The following OBP2B variants were observed in gnomAD, a reference collection of about 807,000 sequenced individuals.
OBP2B encodes odorant binding protein 2B, also known as odorant-binding protein 2b.
Under a neutral mutation model 21.7 loss-of-function variants are expected in OBP2B, and 10 were observed. The observed-to-expected ratio is 0.46, with a 90% CI of 0.28 to 0.78. The LOEUF is 0.78. Ranked by LOEUF, OBP2B falls within the 30% of genes least tolerant of loss-of-function variation. The probability of loss-of-function intolerance (pLI) is 0.11; values close to 1 mark genes in which losing one functional copy is unlikely to be tolerated. For missense variants in OBP2B, 153 were observed against 217.7 expected, an observed-to-expected ratio of 0.70 and a Z score of 1.87; for synonymous variants, 73 against 91.5, an observed-to-expected ratio of 0.80 and a Z score of 1.16.
rs561413512 is a variant in OBP2B, at chr9:133,207,451, C to A, written c.278-115G>T. ...GGTGCCCTGGACAGCCTGAGCCAGGCCTGGCTGCTCCGCACAGTGTGGACC... is the reference window on the plus strand; with the variant it reads ...GGTGCCCTGGACAGCCTGAGCCAGGACTGGCTGCTCCGCACAGTGTGGACC... On this transcript the variant is annotated intron_variant, in intron 3 of 6. Coordinates refer to ENST00000372034, the MANE Select transcript of OBP2B (RefSeq NM_014581.4). 62 of 698,114 alleles carry A rather than the reference C, an allele frequency of 8.9e-5. No individual in the cohort carries two copies. In the South Asian group the frequency reaches 1.0e-3, roughly 12 times the overall value. The allele number at this position is 698,114 out of a possible 1,614,324, so 43.2% of individuals were successfully genotyped here.
chr9:133,216,368 A>G, the OBP2B span, among the ~76,000 whole-genome samples: 25 of 151,734 alleles, frequency 1.6e-4, no homozygotes, highest in Non-Finnish European at 2.5e-4. Context: ...AATAAAAGCC[A>G]TGATATATCA....
rs782113475 is a variant in OBP2B, at chr9:133,206,311, T to G, written c.490+4A>C. On this transcript the variant is annotated splice_donor_region_variant and intron_variant, in intron 5 of 6. Transcript: ENST00000372034. ...CACAGGGGACTGGGCACAGCCATCC[T>G]CACCCGTCTGCAGGGGCGTGAAAAT... The G allele has an allele frequency of 6.2e-7, 1 of 1,613,432 alleles. No individual in the cohort carries two copies. Among genetic ancestry groups the G allele is most frequent in the Non-Finnish European group, 8.5e-7 (1 of 1,179,436 alleles).
chr9:133,221,521 C>T, the OBP2B span, among the ~76,000 whole-genome samples: 2 of 152,186 alleles, frequency 1.3e-5, no homozygotes, highest in African/African-American at 2.4e-5. Flanking sequence ...GGAACCAAGA[C>T]TTTGGGAAGC....
At position 133,208,675 on chromosome 9, in the gene OBP2B, C is replaced by T. The variant is rs531044843; in HGVS notation, c.73-73G>A. 1.8e-4 allele frequency: 282 copies of T among 1,529,008 alleles called. No homozygotes were observed. The Middle Eastern group carries it at 2.0e-3, about 11-fold the overall frequency. The allele number at this position is 1,529,008 out of a possible 1,614,324, so 94.7% of individuals were successfully genotyped here. The stretch of plus-strand genomic sequence containing the variant: ...ACTCTGACCCTGGCACTCAGGCCTG[C>T]AGCTATAACCAGACACCCATGGTGC... On this transcript the variant is annotated intron_variant, in intron 1 of 6. Transcript: ENST00000372034.
chr9:133,218,674 A>T, the OBP2B span, among the ~76,000 whole-genome samples: 1 of 152,194 alleles, frequency 6.6e-6, no homozygotes, highest in African/African-American at 2.4e-5. Flanking sequence ...GGAGCTAACG[A>T]GCTCAGCTGG....
At chr9:133,211,428 G>A (rs1833915438), upstream of OBP2B, among the ~76,000 whole-genome samples, 1 of 152,138 alleles carries the variant, frequency 6.6e-6, no homozygotes, top group Non-Finnish European at 1.5e-5. Flanking sequence ...CCACGCTCTC[G>A]GCCCACCTGC....
At chr9:133,206,604 G>A in intron 4 of OBP2B, 188 bp from the exon 5 acceptor site, 3 of 689,564 alleles carry the variant, frequency 4.4e-6, no homozygotes, top group Admixed American at 2.8e-5. Flanking sequence ...GACAAGGGGA[G>A]AGACCCAAGA....
At chr9:133,214,599 C>A in the OBP2B span, among the ~76,000 whole-genome samples, 1 of 152,140 alleles carries the variant, frequency 6.6e-6, no homozygotes, top group Non-Finnish European at 1.5e-5. Context: ...CTGTAACTCC[C>A]CCTAAGAGGG....
rs1833706878 is a variant in OBP2B, at chr9:133,206,299, G to C, written c.490+16C>G. 2 of 1,609,836 alleles carry C rather than the reference G, an allele frequency of 1.2e-6. No individual in the cohort carries two copies. Among genetic ancestry groups the C allele is most frequent in the African/African-American group, 2.7e-5 (2 of 74,834 alleles). On this transcript the variant is annotated intron_variant, in intron 5 of 6. Coordinates refer to ENST00000372034, the MANE Select transcript of OBP2B (RefSeq NM_014581.4). Reference sequence around the variant, plus strand: ...ACAGCAGAGGGACACAGGGGACTGGGCACAGCCATCCTCACCCGTCTGCAG... The same window carrying C: ...ACAGCAGAGGGACACAGGGGACTGGCCACAGCCATCCTCACCCGTCTGCAG...
chr9:133,222,267 C>T, the OBP2B span, among the ~76,000 whole-genome samples: 1 of 152,214 alleles, frequency 6.6e-6, no homozygotes, highest in Non-Finnish European at 1.5e-5. Context: ...GGGGTGGCCC[C>T]AGCGCCCTAA....
chr9:133,206,177 G>A, intron 5 of OBP2B, 138 bp downstream of exon 5: 2 of 1,156,606 alleles, frequency 1.7e-6, no homozygotes, highest in Non-Finnish European at 1.3e-6. Context: ...GCTAAACAGG[G>A]CCCGGGAGCC....
At chr9:133,221,480 T>C in the OBP2B span, among the ~76,000 whole-genome samples, 2 of 152,218 alleles carry the variant, frequency 1.3e-5, no homozygotes, top group Non-Finnish European at 2.9e-5. Flanking sequence ...AATTGTTTGC[T>C]GTGGTTGCTC....
the OBP2B span, among the ~76,000 whole-genome samples, chr9:133,214,302 C>T: frequency 1.3e-5 from 2 of 152,180 alleles, no homozygotes; most frequent in Non-Finnish European, 2.9e-5. Flanking sequence ...TCCAGCTGCT[C>T]GCTGCTCAGA....
the OBP2B span, among the ~76,000 whole-genome samples, chr9:133,215,289 A>C: frequency 1.3e-5 from 2 of 152,222 alleles, no homozygotes; most frequent in South Asian, 4.1e-4. Flanking sequence ...ACAAATGGAG[A>C]GATGTGCTAT....
chr9:133,212,988 C>G (rs1283322582), upstream of OBP2B, among the ~76,000 whole-genome samples: 18 of 150,810 alleles, frequency 1.2e-4, no homozygotes, highest in Non-Finnish European at 2.2e-4. Flanking sequence ...TGCTTTGGAG[C>G]CCCACGTGGG....
upstream of OBP2B, among the ~76,000 whole-genome samples, chr9:133,214,089 A>T (rs7035268): frequency 6.6e-6 from 1 of 152,234 alleles, no homozygotes; most frequent in Admixed American, 6.5e-5. Context: ...CAACCATATT[A>T]ATATGTTAAG....
the OBP2B span, among the ~76,000 whole-genome samples, chr9:133,218,836 G>C: frequency 1.3e-5 from 2 of 152,166 alleles, no homozygotes; most frequent in Non-Finnish European, 2.9e-5. Flanking sequence ...AGAGATAGGA[G>C]AGCCCTCTGC....
At chr9:133,206,229 T>C in intron 5 of OBP2B, 86 bp downstream of exon 5, 1 of 1,415,764 alleles carries the variant, frequency 7.1e-7, no homozygotes, top group Non-Finnish European at 1.0e-6. Context: ...GCGGGGGACA[T>C]GGGAGGACAT....
chr9:133,222,439 T>C, the OBP2B span, among the ~76,000 whole-genome samples: 2 of 152,202 alleles, frequency 1.3e-5, no homozygotes, highest in African/African-American at 4.8e-5. Flanking sequence ...CAGAAGTGTA[T>C]TTCTCAGGCT....
Sources: gnomAD v4.1 joint callset for allele counts (sites outside exome capture counted in the v4.1 genomes callset) on GRCh38, gnomAD v4.1.1 for gene constraint, MANE v1.5 for transcripts, NCBI Gene and HGNC (gene_info 2026-07-23, HGNC 2026-07-21) for gene names.